CCDC146: variants seen among roughly 807,000 people sequenced by gnomAD.
CCDC146 encodes the protein coiled-coil domain-containing protein 146.
Under a neutral mutation model 119.3 loss-of-function variants are expected in CCDC146, and 92 were observed. The ratio of observed to expected loss-of-function variants is 0.77; its 90% CI spans 0.65 to 0.92. The LOEUF is 0.92. CCDC146 is among the 40% of genes least tolerant of loss of function. The pLI, the probability that CCDC146 is intolerant of heterozygous loss-of-function variation, is 0.00. For missense variants in CCDC146, 1,000 were observed against 1,103.0 expected (o/e 0.91, Z 1.32); for synonymous variants, 372 against 371.8 (o/e 1.00, Z -0.01).
chr7:77,287,318 C>T (rs1793865618), intron 16 of CCDC146, 122 bp from the exon 17 acceptor site: 1 of 1,046,502 alleles, frequency 9.6e-7, no homozygotes, highest in African/African-American at 1.6e-5. Flanking sequence ...CTTAACCCAG[C>T]TCTAAACACT....
intron 2 of CCDC146, among the ~76,000 whole-genome samples, chr7:77,205,416 A>G (rs1394398202): frequency 1.3e-5 from 2 of 152,224 alleles, no homozygotes; most frequent in African/African-American, 4.8e-5. Flanking sequence ...ACCTGAAAGA[A>G]GTTTATCTAA....
intron 2 of CCDC146, among the ~76,000 whole-genome samples, chr7:77,235,778 G>A (rs988697472): frequency 6.6e-6 from 1 of 152,138 alleles, no homozygotes; most frequent in East Asian, 1.9e-4. Context: ...AATTCAATAA[G>A]CACTTTAGAG....
intron 1 of CCDC146, among the ~76,000 whole-genome samples, chr7:77,145,813 T>A (rs576986642): frequency 6.6e-6 from 1 of 152,280 alleles, no homozygotes; most frequent in South Asian, 2.1e-4. Flanking sequence ...TCTTTTACAT[T>A]TGCTGAGGAG....
intron 2 of CCDC146, among the ~76,000 whole-genome samples, chr7:77,223,280 G>A (rs1189351800): frequency 6.6e-6 from 1 of 152,234 alleles, no homozygotes; most frequent in Non-Finnish European, 1.5e-5. Flanking sequence ...GCATGGATGT[G>A]TTTAGGCATG....
chr7:77,180,877 C>T (rs780764500), intron 2 of CCDC146, among the ~76,000 whole-genome samples: 1 of 152,202 alleles, frequency 6.6e-6, no homozygotes, highest in South Asian at 2.1e-4. Context: ...CATACCAACA[C>T]TGTGTGCCAT....
intron 1 of CCDC146, among the ~76,000 whole-genome samples, chr7:77,164,312 T>C (rs1157378030): frequency 6.6e-6 from 1 of 152,166 alleles, no homozygotes; most frequent in Non-Finnish European, 1.5e-5. Flanking sequence ...TTTAAATATA[T>C]AGCCAAACCA....
rs1405372355 is a variant in CCDC146, at chr7:77,259,071, A to G, written c.758+3A>G. ...GAAAAAATAACACGCAAAAAAGTGTATGATTTAATATTTTTACTTTGAATC... is the reference window on the plus strand; with the variant it reads ...GAAAAAATAACACGCAAAAAAGTGTGTGATTTAATATTTTTACTTTGAATC... On this transcript the variant is annotated splice_donor_region_variant and intron_variant, in intron 7 of 18. Transcript: ENST00000285871. 3.2e-6 allele frequency: 5 copies of G among 1,565,602 alleles called. No individual in the cohort carries two copies. The highest frequency in any genetic ancestry group is 2.2e-5 in the South Asian group (2 of 89,282).
chr7:77,203,493 A>G (rs773085739), intron 2 of CCDC146, among the ~76,000 whole-genome samples: 21 of 152,186 alleles, frequency 1.4e-4, no homozygotes, highest in Non-Finnish European at 2.9e-5. Flanking sequence ...TCAAAGAAAT[A>G]GGATGAGAAC....
chr7:77,259,813 C>T (rs565475204), intron 7 of CCDC146, among the ~76,000 whole-genome samples, 196 bp from the exon 8 acceptor site: 5 of 152,188 alleles, frequency 3.3e-5, no homozygotes, highest in African/African-American at 9.6e-5. Flanking sequence ...AGTGGAGATA[C>T]CCTCCAAGTC....
intron 2 of CCDC146, among the ~76,000 whole-genome samples, chr7:77,200,192 G>C (rs1442234685): frequency 1.3e-5 from 2 of 152,292 alleles, no homozygotes; most frequent in East Asian, 3.9e-4. Flanking sequence ...TATCCAAACT[G>C]TCTATAGAAC....
At chr7:77,133,170 C>CA (rs1042312361) in intron 1 of CCDC146, among the ~76,000 whole-genome samples, 56 of 144,012 alleles carry the variant, frequency 3.9e-4, no homozygotes, top group Non-Finnish European at 5.3e-4. Context: ...GACTCCATCT[C>CA]AAAAAAAAAA....
At chr7:77,268,400 A>G (rs549972983) in intron 9 of CCDC146, among the ~76,000 whole-genome samples, 24 of 152,316 alleles carry the variant, frequency 1.6e-4, no homozygotes, top group Non-Finnish European at 2.5e-4. Context: ...ACCTATGAGT[A>G]CCAGTTCTGC....
intron 2 of CCDC146, chr7:77,193,623 T>G (rs1266354548): frequency 6.6e-6 from 1 of 152,190 alleles, no homozygotes; most frequent in Non-Finnish European, 1.5e-5. Flanking sequence ...ATATTTAAGC[T>G]CTTTATTTAT....
At chr7:77,128,344 T>C (rs184885686) in intron 1 of CCDC146, among the ~76,000 whole-genome samples, 8,561 of 152,136 alleles carry the variant, frequency 0.056, 373 homozygotes, top group Non-Finnish European at 0.08. Context: ...TCCATGGTCA[T>C]GGGCCAGGTT....
At chr7:77,256,613 T>A (rs996497306) in intron 6 of CCDC146, 104 bp downstream of exon 6, 7 of 875,910 alleles carry the variant, frequency 8.0e-6, no homozygotes, top group Non-Finnish European at 1.3e-5. Flanking sequence ...GGGTATTGTC[T>A]CACAAACTGA....
intron 2 of CCDC146, among the ~76,000 whole-genome samples, chr7:77,227,533 C>G (rs1792537964): frequency 6.6e-6 from 1 of 152,190 alleles, no homozygotes; most frequent in Non-Finnish European, 1.5e-5. Flanking sequence ...TCTCGATCTC[C>G]TGACCTCGTG....
At chr7:77,147,675 C>T (rs1277678316) in intron 1 of CCDC146, among the ~76,000 whole-genome samples, 2 of 152,216 alleles carry the variant, frequency 1.3e-5, no homozygotes, top group Non-Finnish European at 2.9e-5. Flanking sequence ...TGGAGGTCCA[C>T]TCCAGACACT....
chr7:77,220,833 G>A (rs533363539), intron 2 of CCDC146, among the ~76,000 whole-genome samples: 20 of 152,210 alleles, frequency 1.3e-4, no homozygotes, highest in Non-Finnish European at 2.1e-4. Context: ...TGTTGGAGGC[G>A]GATCACATTG....
At chr7:77,244,743 A>G (rs550239814) in intron 4 of CCDC146, among the ~76,000 whole-genome samples, 386 of 152,338 alleles carry the variant, frequency 2.5e-3, no homozygotes, top group Non-Finnish European at 5.0e-3. Flanking sequence ...CCCATTGTTA[A>G]GCAGCACATG....
Sources: gnomAD v4.1 joint callset for allele counts (sites outside exome capture counted in the v4.1 genomes callset) on GRCh38, gnomAD v4.1.1 for gene constraint, MANE v1.5 for transcripts, NCBI Gene and HGNC (gene_info 2026-07-23, HGNC 2026-07-21) for gene names.